FSHR: variants seen among roughly 807,000 people sequenced by gnomAD.
FSHR encodes follicle-stimulating hormone receptor.
FSHR carries 46 observed loss-of-function variants against 52.1 expected under a neutral mutation model. The observed-to-expected ratio is 0.88, with a 90% confidence interval of 0.70 to 1.13. The LOEUF is 1.13. Ranked by LOEUF, FSHR falls within the 50% of genes most tolerant of loss-of-function variation. The pLI is 0.00. For missense variants in FSHR, 964 were observed against 834.6 expected (o/e 1.16, Z -1.91); for synonymous variants, 399 against 309.6 (o/e 1.29, Z -3.03).
chr2:49,153,995 T>C (rs1344362799), intron 1 of FSHR, among the ~76,000 whole-genome samples: 1 of 152,184 alleles, frequency 6.6e-6, no homozygotes, highest in African/African-American at 2.4e-5. Context: ...AGCAAATGCA[T>C]TGAAAAGACA....
intron 2 of FSHR, among the ~76,000 whole-genome samples, chr2:49,063,030 T>A (rs1165563785): frequency 1.3e-5 from 2 of 152,108 alleles, no homozygotes; most frequent in African/African-American, 4.8e-5. Context: ...AGTATGAGAT[T>A]CCTCTAAAAA....
chr2:49,149,191 G>A (rs1246815061), intron 1 of FSHR, among the ~76,000 whole-genome samples: 1 of 151,916 alleles, frequency 6.6e-6, no homozygotes, highest in African/African-American at 2.4e-5. Flanking sequence ...CAACAAATGA[G>A]GAAGTTAGGA....
intron 1 of FSHR, among the ~76,000 whole-genome samples, chr2:49,080,326 T>C (rs1670120851): frequency 6.6e-6 from 1 of 152,206 alleles, no homozygotes; most frequent in African/African-American, 2.4e-5. Context: ...CAAAATGCCC[T>C]TGGACCCAGT....
chr2:49,059,320 G>A lies in FSHR; in HGVS notation c.224+8899C>T, dbSNP rs1669195887. Among the ~76,000 whole-genome samples the A allele has an allele frequency of 2.6e-5, 4 of 151,928 alleles. No individual in the cohort carries two copies. In the South Asian group the frequency reaches 8.3e-4, roughly 32 times the overall value. ...AAAACATCCTGCATGGCCAAAGTAA[G>A]CCTAATCAAAAAAGAACAAAGTTGG... On this transcript the variant is annotated intron_variant, in intron 2 of 9. Transcript: ENST00000406846.
chr2:49,115,094 T>A (rs1671553306), intron 1 of FSHR, among the ~76,000 whole-genome samples: 2 of 149,010 alleles, frequency 1.3e-5, no homozygotes, highest in African/African-American at 5.0e-5. Flanking sequence ...ACTTAAACCT[T>A]AGAGTGGTAT....
intron 2 of FSHR, among the ~76,000 whole-genome samples, chr2:49,061,467 C>T (rs914053227): frequency 6.7e-6 from 1 of 149,174 alleles, no homozygotes; most frequent in African/African-American, 2.5e-5. Context: ...CAAAAAGGGA[C>T]ATTATATAAT....
chr2:49,081,848 T>G (rs536554965), intron 1 of FSHR, among the ~76,000 whole-genome samples: 1 of 152,326 alleles, frequency 6.6e-6, no homozygotes, highest in African/African-American at 2.4e-5. Context: ...TTTCCCTTTG[T>G]GGCTTAAAGG....
intron 1 of FSHR, among the ~76,000 whole-genome samples, chr2:49,149,241 C>A (rs1230816869): frequency 1.3e-5 from 2 of 151,932 alleles, no homozygotes; most frequent in African/African-American, 4.8e-5. Context: ...TTTATCTTCT[C>A]TTTCTTCACC....
At chr2:49,099,309 G>T (rs1364197926) in intron 1 of FSHR, among the ~76,000 whole-genome samples, 1 of 151,916 alleles carries the variant, frequency 6.6e-6, no homozygotes, top group East Asian at 1.9e-4. Context: ...TTTATAAAGG[G>T]TTTCCTCTTT....
intron 4 of FSHR, among the ~76,000 whole-genome samples, chr2:48,993,786 A>G (rs2160148): frequency 0.81 from 122,796 of 152,122 alleles, 50,017 homozygotes; most frequent in African/African-American, 0.92. Flanking sequence ...CCTTTCTCCA[A>G]ATATTTGCAT....
chr2:49,036,489 T>G (rs1668275496), intron 2 of FSHR, among the ~76,000 whole-genome samples: 2 of 143,474 alleles, frequency 1.4e-5, no homozygotes, highest in South Asian at 4.4e-4. Context: ...TTCTCTATAT[T>G]TGCATCTGTA....
intron 1 of FSHR, among the ~76,000 whole-genome samples, chr2:49,107,907 G>A (rs1205365331): frequency 6.6e-6 from 1 of 152,098 alleles, no homozygotes; most frequent in Non-Finnish European, 1.5e-5. Flanking sequence ...TATATTTTGA[G>A]TACACATTCC....
intron 1 of FSHR, among the ~76,000 whole-genome samples, chr2:49,079,670 T>C (rs1013906150): frequency 6.6e-6 from 1 of 152,140 alleles, no homozygotes; most frequent in African/African-American, 2.4e-5. Flanking sequence ...TAAAGGATGC[T>C]AAGACTATTG....
At chr2:49,044,975 G>C (rs762995217) in intron 2 of FSHR, among the ~76,000 whole-genome samples, 1 of 152,192 alleles carries the variant, frequency 6.6e-6, no homozygotes, top group Admixed American at 6.5e-5. Flanking sequence ...AGCACCAAGA[G>C]AGGGGCTTTT....
chr2:49,090,878 C>A (rs577434031), intron 1 of FSHR, among the ~76,000 whole-genome samples: 1 of 152,044 alleles, frequency 6.6e-6, no homozygotes, highest in Non-Finnish European at 1.5e-5. Context: ...TAGTGCTGAG[C>A]ATGTTTTGTT....
intron 1 of FSHR, among the ~76,000 whole-genome samples, chr2:49,112,872 G>A (rs889552497): frequency 5.9e-5 from 9 of 152,132 alleles, no homozygotes; most frequent in African/African-American, 2.2e-4. Flanking sequence ...AGTGCAAAAT[G>A]GGCCATTAGA....
At chr2:48,981,392 T>G (rs1275105500) in intron 8 of FSHR, among the ~76,000 whole-genome samples, 1 of 152,076 alleles carries the variant, frequency 6.6e-6, no homozygotes, top group Admixed American at 6.6e-5. Flanking sequence ...AATATTTATG[T>G]GTGTGTGTGT....
intron 4 of FSHR, among the ~76,000 whole-genome samples, chr2:49,002,496 T>C (rs535586449): frequency 6.6e-6 from 1 of 152,120 alleles, no homozygotes; most frequent in South Asian, 2.1e-4. Context: ...TGGGGAGGCC[T>C]CAGGAAATTT....
chr2:48,994,272 T>A (rs1675920056), intron 4 of FSHR, among the ~76,000 whole-genome samples: 1 of 152,180 alleles, frequency 6.6e-6, no homozygotes, highest in Non-Finnish European at 1.5e-5. Flanking sequence ...TTTATATAAT[T>A]GAAAGAATGA....
Sources: gnomAD v4.1 joint callset for allele counts (sites outside exome capture counted in the v4.1 genomes callset) on GRCh38, gnomAD v4.1.1 for gene constraint, MANE v1.5 for transcripts, NCBI Gene and HGNC (gene_info 2026-07-23, HGNC 2026-07-21) for gene names.